Variants in IMPG1 observed in about 807,000 individuals in gnomAD.
IMPG1 encodes interphotoreceptor matrix proteoglycan 1.
A neutral mutation model predicts 92.0 loss-of-function variants in IMPG1; 85 were observed. That is an observed-to-expected ratio of 0.92 (90% CI 0.78 to 1.11). The LOEUF is 1.11. Ranked by LOEUF, IMPG1 falls within the 50% of genes least tolerant of loss-of-function variation. The pLI is 0.00. For missense variants in IMPG1, 1,022 were observed against 956.0 expected (o/e 1.07, Z -0.91); for synonymous variants, 367 against 334.1 (o/e 1.10, Z -1.08).
At chr6:75,958,950 T>A (rs1296425072) in intron 12 of IMPG1, among the ~76,000 whole-genome samples, 1 of 152,164 alleles carries the variant, frequency 6.6e-6, no homozygotes, top group African/African-American at 2.4e-5. Flanking sequence ...TGGAAGAGAA[T>A]AGGCATTCTG....
intron 14 of IMPG1, among the ~76,000 whole-genome samples, chr6:75,937,512 A>G (rs774799185): frequency 8.5e-5 from 13 of 152,182 alleles, no homozygotes; most frequent in African/African-American, 2.4e-4. Flanking sequence ...GCGTTTGGTA[A>G]TAGTTTGACC....
chr6:75,941,649 G>A (rs898525636), intron 14 of IMPG1, among the ~76,000 whole-genome samples: 1 of 152,186 alleles, frequency 6.6e-6, no homozygotes, highest in Non-Finnish European at 1.5e-5. Flanking sequence ...TTATGGTCCA[G>A]ACGTTTTACA....
chr6:75,945,712 A>T (rs1781915765), intron 14 of IMPG1, among the ~76,000 whole-genome samples: 1 of 152,146 alleles, frequency 6.6e-6, no homozygotes, highest in Admixed American at 6.5e-5. Context: ...AAGATTCAAC[A>T]TTTAGGGCTG....
intron 1 of IMPG1, among the ~76,000 whole-genome samples, chr6:76,043,844 T>C (rs901434649): frequency 2.0e-5 from 3 of 152,308 alleles, no homozygotes; most frequent in Middle Eastern, 3.4e-3. Context: ...TGTGGTGATG[T>C]CATCCTCGGG....
intron 1 of IMPG1, among the ~76,000 whole-genome samples, chr6:76,046,526 T>A (rs1783946821): frequency 6.6e-6 from 1 of 152,180 alleles, no homozygotes; most frequent in Non-Finnish European, 1.5e-5. Flanking sequence ...TCATTACTTA[T>A]GAAAGAAAAA....
intron 1 of IMPG1, among the ~76,000 whole-genome samples, chr6:76,064,039 G>A (rs867256895): frequency 6.6e-6 from 1 of 152,134 alleles, no homozygotes; most frequent in Non-Finnish European, 1.5e-5. Flanking sequence ...GAATGGAGAG[G>A]GGGACTACTC....
chr6:76,057,455 G>A (rs1784138902), intron 1 of IMPG1, among the ~76,000 whole-genome samples: 1 of 152,124 alleles, frequency 6.6e-6, no homozygotes, highest in South Asian at 2.1e-4. Flanking sequence ...TGATTATATA[G>A]TAGTCATGTA....
chr6:76,022,124 G>T lies in IMPG1; in HGVS notation c.658C>A (p.Pro220Thr). 1 of 1,564,460 alleles carries T rather than the reference G, an allele frequency of 6.4e-7. No individual in the cohort carries two copies. Among genetic ancestry groups the T allele is most frequent in the South Asian group, 1.1e-5 (1 of 90,126 alleles). Reference sequence around the variant, plus strand: ...CTCTAGGAACTTCTTACTGTTGTAGGCATCTTGGTGTCGTTGAGTGTATTA... The same window carrying T: ...CTCTAGGAACTTCTTACTGTTGTAGTCATCTTGGTGTCGTTGAGTGTATTA... ...LDNTLNDTKM[P>T]TTERETEFAV... The change falls in exon 6 of 17, where the codon CCT becomes ACT. Residue 220 changes from proline to threonine, a missense_variant. Coordinates refer to ENST00000369950, the MANE Select transcript of IMPG1 (RefSeq NM_001563.4).
chr6:76,062,872 T>C (rs11966188), intron 1 of IMPG1, among the ~76,000 whole-genome samples: 3,891 of 112,132 alleles, frequency 0.035, 141 homozygotes, highest in African/African-American at 0.11. Context: ...TTTTTTTTTT[T>C]CCCCTAGTAT....
At chr6:76,007,069 G>T (rs1027067843) in intron 9 of IMPG1, among the ~76,000 whole-genome samples, 3 of 152,140 alleles carry the variant, frequency 2.0e-5, no homozygotes, top group Non-Finnish European at 4.4e-5. Flanking sequence ...ATTGACCTTG[G>T]AAAGGAGCAA....
At chr6:75,987,692 T>G (rs1282491472) in intron 12 of IMPG1, among the ~76,000 whole-genome samples, 1 of 151,172 alleles carries the variant, frequency 6.6e-6, no homozygotes, top group African/African-American at 2.4e-5. Flanking sequence ...TTACCCAGGC[T>G]GGAGTGCAGT....
chr6:76,065,721 T>C (rs531516885), intron 1 of IMPG1, among the ~76,000 whole-genome samples: 1 of 152,188 alleles, frequency 6.6e-6, no homozygotes, highest in Non-Finnish European at 1.5e-5. Flanking sequence ...TATAAGAGGC[T>C]CAGAGAACTC....
chr6:75,926,793 G>T (rs1480008435), intron 15 of IMPG1, among the ~76,000 whole-genome samples: 1 of 150,474 alleles, frequency 6.6e-6, no homozygotes, highest in Non-Finnish European at 1.5e-5. Context: ...ATCTAAACTT[G>T]AGGGAAATGT....
intron 15 of IMPG1, 24 bp from the exon 16 acceptor site, chr6:75,923,730 G>A (rs756368701): frequency 6.9e-7 from 1 of 1,452,990 alleles, no homozygotes; most frequent in South Asian, 1.2e-5. Flanking sequence ...CAAAAACATA[G>A]TATCTTGTTT....
intron 16 of IMPG1, 108 bp downstream of exon 16, chr6:75,923,526 A>G: frequency 4.5e-6 from 3 of 669,166 alleles, no homozygotes; most frequent in East Asian, 5.5e-5. Context: ...TTAAAAATAA[A>G]AAGTATCTTG....
At chr6:76,008,997 T>G (rs1783141712) in intron 8 of IMPG1, among the ~76,000 whole-genome samples, 1 of 152,222 alleles carries the variant, frequency 6.6e-6, no homozygotes, top group Non-Finnish European at 1.5e-5. Flanking sequence ...TTGGCTTCTT[T>G]CACTCAACGA....
At chr6:75,963,699 A>G (rs530270288) in intron 12 of IMPG1, among the ~76,000 whole-genome samples, 1 of 152,208 alleles carries the variant, frequency 6.6e-6, no homozygotes, top group Non-Finnish European at 1.5e-5. Context: ...ACTTTGTGGC[A>G]TTTTTAACTT....
chr6:76,028,099 G>T (rs1380986486), intron 4 of IMPG1, among the ~76,000 whole-genome samples: 1 of 152,108 alleles, frequency 6.6e-6, no homozygotes, highest in African/African-American at 2.4e-5. Context: ...AATTCTATGG[G>T]ATTTCAAAAA....
chr6:76,053,250 C>T (rs184451802), intron 1 of IMPG1, among the ~76,000 whole-genome samples: 6 of 152,202 alleles, frequency 3.9e-5, no homozygotes, highest in African/African-American at 1.2e-4. Flanking sequence ...GTGATTGTAC[C>T]TCACAAATGT....
Sources: allele counts gnomAD v4.1 joint callset (sites outside exome capture counted in the v4.1 genomes callset), GRCh38; gene constraint gnomAD v4.1.1; transcripts MANE v1.5; gene names NCBI Gene and HGNC (gene_info 2026-07-23, HGNC 2026-07-21).